Variants in MACROD2 observed in about 807,000 individuals in gnomAD.
MACROD2 encodes the protein ADP-ribose glycohydrolase MACROD2.
In MACROD2, 36 loss-of-function variants were observed where a neutral mutation model predicts 70.4. The ratio of observed to expected loss-of-function variants is 0.51; its 90% CI spans 0.39 to 0.68. The LOEUF is 0.68. MACROD2 is among the 30% of genes least tolerant of loss of function. The probability of loss-of-function intolerance (pLI) is 0.00; values close to 1 mark genes in which losing one functional copy is unlikely to be tolerated. For synonymous variants in MACROD2, 172 were observed against 178.8 expected, an observed-to-expected ratio of 0.96 and a Z score of 0.30; for missense variants, 496 against 538.4, an observed-to-expected ratio of 0.92 and a Z score of 0.78.
At chr20:15,517,314 C>A (rs2047582131) in intron 8 of MACROD2, among the ~76,000 whole-genome samples, 1 of 152,184 alleles carries the variant, frequency 6.6e-6, no homozygotes, top group African/African-American at 2.4e-5. Flanking sequence ...ACACTGACTT[C>A]TTTTATTCAG....
chr20:15,871,857 C>G (rs1409974152), intron 9 of MACROD2, among the ~76,000 whole-genome samples: 1 of 152,070 alleles, frequency 6.6e-6, no homozygotes, highest in Non-Finnish European at 1.5e-5. Context: ...AGAGTAAGTC[C>G]TTGGTTGAGA....
intron 8 of MACROD2, among the ~76,000 whole-genome samples, chr20:15,729,260 A>G (rs1170660993): frequency 6.6e-6 from 1 of 152,166 alleles, no homozygotes; most frequent in African/African-American, 2.4e-5. Flanking sequence ...TGTGTTTGGT[A>G]TGATTTTAAT....
rs143566406 is a variant in MACROD2, at chr20:14,996,836, C to T, written c.419-233104C>T. 7.6e-3 allele frequency among the ~76,000 whole-genome samples: 1,159 copies of T among 152,126 alleles called. 13 individuals are homozygous for T. Among genetic ancestry groups the T allele is most frequent in the African/African-American group, 0.027 (1,104 of 41,568 alleles). Reference sequence around the variant, plus strand: ...CTGGCCAAAGGGGAACCGTCCACACCAGCAGGCGGGTTTGAGCTAGCTCCA... The same window carrying T: ...CTGGCCAAAGGGGAACCGTCCACACTAGCAGGCGGGTTTGAGCTAGCTCCA... On this transcript the variant is annotated intron_variant, in intron 5 of 17. Coordinates refer to ENST00000684519, the MANE Select transcript of MACROD2 (RefSeq NM_001351661.2).
intron 8 of MACROD2, among the ~76,000 whole-genome samples, chr20:15,626,407 T>C (rs981474541): frequency 6.6e-6 from 1 of 152,246 alleles, no homozygotes; most frequent in African/African-American, 2.4e-5. Flanking sequence ...TTGTTTGACG[T>C]GCAAACTCTT....
chr20:15,642,635 CACACACGT>C (rs1422702178), intron 8 of MACROD2, among the ~76,000 whole-genome samples: 2 of 136,460 alleles, frequency 1.5e-5, no homozygotes, highest in Non-Finnish European at 3.1e-5. Context: ...CACACACACA[CACACACGT>C]GTGCATGCAA....
chr20:15,778,756 G>A (rs2051776707), intron 8 of MACROD2, among the ~76,000 whole-genome samples: 1 of 152,008 alleles, frequency 6.6e-6, no homozygotes, highest in African/African-American at 2.4e-5. Flanking sequence ...AAGGGAATCT[G>A]AGGATTTATT....
At chr20:15,630,540 T>A (rs552774246) in intron 8 of MACROD2, among the ~76,000 whole-genome samples, 1 of 152,234 alleles carries the variant, frequency 6.6e-6, no homozygotes, top group Non-Finnish European at 1.5e-5. Context: ...CTTTGTATTC[T>A]GCCTCGTACT....
rs112001252 is a variant in MACROD2 at position 15,658,590 on chromosome 20, C to T, written c.645+158743C>T. ...TTGCATGGATGACCCATAGACAGAC[C>T]AGTGGTCATCGTGTCAGAATCTCCC... On this transcript the variant is annotated intron_variant, in intron 8 of 17. Coordinates refer to ENST00000684519, the MANE Select transcript of MACROD2 (RefSeq NM_001351661.2). 3.7e-3 allele frequency among the ~76,000 whole-genome samples: 562 copies of T among 152,248 alleles called. 7 individuals carry two copies. The highest frequency in any genetic ancestry group is 0.012 in the African/African-American group (506 of 41,540).
chr20:15,518,763 C>A (rs1488660980), intron 8 of MACROD2, among the ~76,000 whole-genome samples: 2 of 152,148 alleles, frequency 1.3e-5, no homozygotes, highest in African/African-American at 4.8e-5. Context: ...CTTTGTGAGG[C>A]TGAGGCAGGA....
At chr20:15,811,154 C>T (rs369918394) in intron 8 of MACROD2, among the ~76,000 whole-genome samples, 1 of 152,122 alleles carries the variant, frequency 6.6e-6, no homozygotes, top group Non-Finnish European at 1.5e-5. Flanking sequence ...ACAGGCAACC[C>T]ACAAAATGGG....
intron 5 of MACROD2, among the ~76,000 whole-genome samples, chr20:15,175,314 A>G (rs1383689276): frequency 2.0e-5 from 3 of 150,624 alleles, no homozygotes; most frequent in Non-Finnish European, 4.4e-5. Flanking sequence ...GCTTTAGGAG[A>G]TATACCTAAT....
chr20:14,716,979 G>T (rs965720666), intron 5 of MACROD2, among the ~76,000 whole-genome samples: 3 of 151,892 alleles, frequency 2.0e-5, no homozygotes, highest in African/African-American at 4.8e-5. Flanking sequence ...TTAATTTTGA[G>T]TGTCGACTTA....
intron 5 of MACROD2, chr20:14,888,587 A>T (rs1259785745): frequency 6.6e-6 from 1 of 152,140 alleles, no homozygotes; most frequent in Admixed American, 6.6e-5. Context: ...ATGCAACCCA[A>T]TTAAATAAAA....
At chr20:14,697,426 C>T (rs1291672920) in intron 5 of MACROD2, among the ~76,000 whole-genome samples, 1 of 152,178 alleles carries the variant, frequency 6.6e-6, no homozygotes, top group Non-Finnish European at 1.5e-5. Flanking sequence ...AAACAGGGAA[C>T]TGCACATCAA....
intron 7 of MACROD2, among the ~76,000 whole-genome samples, chr20:15,496,095 T>C (rs543611261): frequency 3.9e-5 from 6 of 152,298 alleles, no homozygotes; most frequent in African/African-American, 1.4e-4. Flanking sequence ...GCCAGCTTAT[T>C]CAGGGGAGAA....
chr20:14,894,554 T>C (rs1216719619), intron 5 of MACROD2: 1 of 152,172 alleles, frequency 6.6e-6, no homozygotes, highest in Admixed American at 6.5e-5. Context: ...AGAAAATCCA[T>C]GCTCATGTAA....
At chr20:14,310,660 A>G (rs1441917944) in intron 3 of MACROD2, among the ~76,000 whole-genome samples, 1 of 152,106 alleles carries the variant, frequency 6.6e-6, no homozygotes, top group Non-Finnish European at 1.5e-5. Flanking sequence ...AAACAGCCTC[A>G]GGCAGGTCCT....
chr20:15,722,962 C>A (rs1600807864), intron 8 of MACROD2, among the ~76,000 whole-genome samples: 1 of 152,056 alleles, frequency 6.6e-6, no homozygotes, highest in Non-Finnish European at 1.5e-5. Flanking sequence ...CCCATTGATA[C>A]TTACTAATAA....
At chr20:14,249,370 G>A (rs2081992665) in intron 3 of MACROD2, among the ~76,000 whole-genome samples, 1 of 151,884 alleles carries the variant, frequency 6.6e-6, no homozygotes, top group South Asian at 2.1e-4. Context: ...AAGAATAGTA[G>A]CATGAATCTC....
Sources: allele counts gnomAD v4.1 joint callset (sites outside exome capture counted in the v4.1 genomes callset), GRCh38; gene constraint gnomAD v4.1.1; transcripts MANE v1.5; gene names NCBI Gene and HGNC (gene_info 2026-07-23, HGNC 2026-07-21).